The following ZNF804B variants were observed in gnomAD, a reference collection of about 807,000 sequenced individuals.
The protein encoded by ZNF804B is zinc finger 804B.
Under a neutral mutation model 101.4 loss-of-function variants are expected in ZNF804B, and 80 were observed. The observed-to-expected ratio is 0.79, with a 90% CI of 0.66 to 0.95. The LOEUF (loss-of-function observed/expected upper bound fraction) is 0.95. Among genes scored for constraint, ZNF804B ranks in the 40% least tolerant of loss-of-function variants. ZNF804B has a pLI of 0.00. For missense variants in ZNF804B, 1,673 were observed against 1,561.9 expected, an observed-to-expected ratio of 1.07 and a Z score of -1.20; for synonymous variants, 622 against 558.8, an observed-to-expected ratio of 1.11 and a Z score of -1.59.
intron 1 of ZNF804B, among the ~76,000 whole-genome samples, chr7:89,171,872 T>C (rs62463562): frequency 0.2 from 30,707 of 152,078 alleles, 3,325 homozygotes; most frequent in Non-Finnish European, 0.23. Context: ...CTGAAAGACA[T>C]TGCTGTCTCT....
At chr7:89,104,292 T>C (rs1790102563) in intron 1 of ZNF804B, among the ~76,000 whole-genome samples, 1 of 152,040 alleles carries the variant, frequency 6.6e-6, no homozygotes, top group Non-Finnish European at 1.5e-5. Context: ...TTCTTAGAAA[T>C]AGTTTGAGTA....
chr7:89,294,960 C>A (rs980968032), intron 2 of ZNF804B, among the ~76,000 whole-genome samples: 2 of 152,072 alleles, frequency 1.3e-5, no homozygotes, highest in Non-Finnish European at 2.9e-5. Flanking sequence ...TTTACTTACT[C>A]TGTTTCCTCA....
intron 1 of ZNF804B, among the ~76,000 whole-genome samples, chr7:89,101,023 C>T (rs1232492345): frequency 1.3e-5 from 2 of 151,908 alleles, no homozygotes; most frequent in African/African-American, 4.8e-5. Flanking sequence ...AAACCACCCA[C>T]AAAAAGAAAT....
intron 1 of ZNF804B, among the ~76,000 whole-genome samples, chr7:88,876,555 C>A (rs887488177): frequency 3.3e-5 from 5 of 152,140 alleles, no homozygotes; most frequent in Non-Finnish European, 5.9e-5. Flanking sequence ...CTTTTCTTAT[C>A]TATCAATGAG....
In ZNF804B at chr7:89,193,680, T is replaced by C. The variant is rs558536861; in HGVS notation, c.109-24475T>C. Among the ~76,000 whole-genome samples the C allele has an allele frequency of 1.2e-3, 178 of 152,214 alleles. 3 individuals are homozygous for C. The highest frequency in any genetic ancestry group is 4.9e-4 in the Non-Finnish European group (33 of 68,010). ...TGGCTGCATAGTATTCCATGGTGTA[T>C]ATGTGCCACGTTTTCTTAATCCAGT... is the stretch of plus-strand genomic sequence containing the variant. On this transcript the variant is annotated intron_variant, in intron 1 of 3. Transcript: ENST00000333190.
At chr7:89,273,169 T>G (rs140812907) in intron 2 of ZNF804B, among the ~76,000 whole-genome samples, 29 of 152,182 alleles carry the variant, frequency 1.9e-4, no homozygotes, top group African/African-American at 6.7e-4. Context: ...TTTGAGGATT[T>G]TTTACTAAAA....
At position 88,809,085 on chromosome 7, in the gene ZNF804B, T is replaced by G. The variant is rs1020674375; in HGVS notation, c.108+49001T>G. 2.6e-5 allele frequency among the ~76,000 whole-genome samples: 4 copies of G among 152,182 alleles called. No individual in the cohort carries two copies. The East Asian group carries it at 7.7e-4, about 29-fold the overall frequency. Reference sequence around the variant, plus strand: ...TAAAATAACTAAATTTGGCAGCATATTTTTGTATTAAGAGGAGGTGTACAC... The same window carrying G: ...TAAAATAACTAAATTTGGCAGCATAGTTTTGTATTAAGAGGAGGTGTACAC... On this transcript the variant is annotated intron_variant, in intron 1 of 3. Coordinates refer to ENST00000333190, the MANE Select transcript of ZNF804B (RefSeq NM_181646.5).
intron 1 of ZNF804B, among the ~76,000 whole-genome samples, chr7:88,937,543 A>C (rs566984375): frequency 2.6e-5 from 4 of 152,260 alleles, no homozygotes; most frequent in African/African-American, 9.6e-5. Context: ...TATGTTAACC[A>C]TAGAACACAG....
intron 1 of ZNF804B, among the ~76,000 whole-genome samples, chr7:89,200,019 G>C (rs1274107639): frequency 2.0e-5 from 3 of 150,818 alleles, no homozygotes; most frequent in African/African-American, 7.3e-5. Flanking sequence ...GTTCACCTTT[G>C]TGTGGTGCTC....
chr7:89,086,846 T>G (rs1789809969), intron 1 of ZNF804B, among the ~76,000 whole-genome samples: 2 of 151,924 alleles, frequency 1.3e-5, no homozygotes, highest in African/African-American at 4.8e-5. Context: ...AATAAAAATT[T>G]GTCTTTGTAT....
intron 1 of ZNF804B, among the ~76,000 whole-genome samples, chr7:88,946,758 T>A (rs759940833): frequency 2.6e-5 from 4 of 152,020 alleles, no homozygotes; most frequent in Non-Finnish European, 5.9e-5. Flanking sequence ...GGTAGGCTAT[T>A]AATTACTGCC....
intron 1 of ZNF804B, among the ~76,000 whole-genome samples, chr7:89,064,277 C>A (rs1050025431): frequency 2.0e-5 from 3 of 152,244 alleles, no homozygotes; most frequent in African/African-American, 7.2e-5. Flanking sequence ...AAGCTGTTCT[C>A]TCTCCTGGAA....
chr7:89,099,457 A>C (rs1186447761), intron 1 of ZNF804B, among the ~76,000 whole-genome samples: 3 of 152,186 alleles, frequency 2.0e-5, no homozygotes, highest in African/African-American at 7.2e-5. Context: ...AGCCACTAAG[A>C]AATAGATGCA....
At chr7:88,802,802 C>T (rs1790611265) in intron 1 of ZNF804B, among the ~76,000 whole-genome samples, 1 of 151,506 alleles carries the variant, frequency 6.6e-6, no homozygotes, top group South Asian at 2.1e-4. Flanking sequence ...GGAGTATATA[C>T]TGAATATCAA....
intron 1 of ZNF804B, chr7:88,794,122 T>G (rs1790429547): frequency 1.4e-6 from 2 of 1,401,068 alleles, no homozygotes; most frequent in Admixed American, 5.0e-5. Flanking sequence ...TAAAAATGTT[T>G]TTTTTATTTA....
chr7:89,132,632 G>A (rs959093922), intron 1 of ZNF804B, among the ~76,000 whole-genome samples: 2 of 151,940 alleles, frequency 1.3e-5, no homozygotes, highest in African/African-American at 4.8e-5. Context: ...TTTTATGTGA[G>A]CAGTTTTGAG....
chr7:89,333,866 C>T lies in ZNF804B; in HGVS notation c.884C>T (p.Thr295Ile). 3.1e-6 allele frequency: 5 copies of T among 1,613,378 alleles called. No homozygotes were observed. In the South Asian group the frequency reaches 4.4e-5, roughly 14 times the overall value. The change falls in exon 4 of 4, where the codon ACC becomes ATC. Residue 295 changes from threonine to isoleucine, a missense_variant. Coordinates refer to ENST00000333190, the MANE Select transcript of ZNF804B (RefSeq NM_181646.5). ...CATCTGGAAAGTGTTTTACACAATA[C>T]CATCTCCATAAACTCTAAAATTTTG... ...PSHLESVLHN[T>I]ISINSKILQD...
Position 89,007,517 on chromosome 7 carries a change from TA to T in ZNF804B, c.109-210636del, listed in dbSNP as rs1788385670. Among the ~76,000 whole-genome samples, 3 of 7,618 alleles carry T rather than the reference TA, an allele frequency of 3.9e-4. No individual in the cohort carries two copies. The African/African-American group carries it at 4.9e-3, about 12-fold the overall frequency. The allele number at this position is 7,618 out of a possible 152,430, so 5.0% of individuals were successfully genotyped here. A position where few individuals can be genotyped will look rare whatever the true frequency, so the allele number is the denominator to read the frequency against. ...CTAATATAATACATATAATTATATATAATATAATATATCTATTATAATTATA... is the reference window on the plus strand; with the variant it reads ...CTAATATAATACATATAATTATATATATATAATATATCTATTATAATTATA... On this transcript the variant is annotated intron_variant, in intron 1 of 3. Transcript: ENST00000333190.
intron 1 of ZNF804B, among the ~76,000 whole-genome samples, chr7:88,943,991 C>T (rs1201538790): frequency 6.6e-6 from 1 of 151,680 alleles, no homozygotes; most frequent in Non-Finnish European, 1.5e-5. Flanking sequence ...AAAAATTTAT[C>T]CATTTACAGT....
Sources: gnomAD v4.1 joint callset for allele counts (sites outside exome capture counted in the v4.1 genomes callset) on GRCh38, gnomAD v4.1.1 for gene constraint, MANE v1.5 for transcripts, NCBI Gene and HGNC (gene_info 2026-07-23, HGNC 2026-07-21) for gene names.